NOC3L: variants seen among roughly 807,000 people sequenced by gnomAD.
The protein encoded by NOC3L is nucleolar complex protein 3 homolog.
A neutral mutation model predicts 102.5 loss-of-function variants in NOC3L; 85 were observed. The ratio of observed to expected loss-of-function variants is 0.83; its 90% CI spans 0.70 to 0.99. The LOEUF (loss-of-function observed/expected upper bound fraction) is 0.99, where lower values mean the gene tolerates loss of function less well. Among genes scored for constraint, NOC3L ranks in the 50% least tolerant of loss-of-function variants. The pLI, the probability that NOC3L is intolerant of heterozygous loss-of-function variation, is 0.00. For missense variants in NOC3L, 878 were observed against 914.9 expected, an observed-to-expected ratio of 0.96 and a Z score of 0.52; for synonymous variants, 303 against 309.4, an observed-to-expected ratio of 0.98 and a Z score of 0.22.
At chr10:94,347,096 A>C (rs969678587) in intron 10 of NOC3L, among the ~76,000 whole-genome samples, 3 of 152,214 alleles carry the variant, frequency 2.0e-5, no homozygotes, top group African/African-American at 7.2e-5. Flanking sequence ...TCGCATACTC[A>C]AACACTAAGA....
At chr10:94,350,047 C>A (rs533329845) in intron 9 of NOC3L, 66 bp downstream of exon 9, 2 of 1,500,834 alleles carry the variant, frequency 1.3e-6, no homozygotes, top group South Asian at 1.2e-5. Context: ...TGTGAGCCAC[C>A]GTGCCTGGCC....
chr10:94,328,548 TAAGAG>T (rs2054113719), downstream of NOC3L: 1 of 152,274 alleles, frequency 6.6e-6, no homozygotes, highest in African/African-American at 2.4e-5. Context: ...CCAACACAAC[TAAGAG>T]AAGAGAACTG....
In NOC3L at chr10:94,350,132, A is replaced by T; in HGVS notation, c.1109T>A (p.Met370Lys). 1 of 1,614,086 alleles carries T rather than the reference A, an allele frequency of 6.2e-7. No individual in the cohort carries two copies. Among genetic ancestry groups the T allele is most frequent in the Non-Finnish European group, 8.5e-7 (1 of 1,180,006 alleles). Residue 370 changes from methionine to lysine, a missense_variant, in exon 9 of 21, where the codon ATG (methionine) becomes AAG (lysine). Coordinates refer to ENST00000371361, the MANE Select transcript of NOC3L (RefSeq NM_022451.11). ...NNIIVLIVPL[M>K]NDMSKLISEM... ...ACTCACCAATTTTGACATGTCATTCATGAGAGGGACAATCAATACGATGAT... is the reference window on the plus strand; with the variant it reads ...ACTCACCAATTTTGACATGTCATTCTTGAGAGGGACAATCAATACGATGAT...
chr10:94,326,848 T>G, the NOC3L span, among the ~76,000 whole-genome samples: 4 of 152,202 alleles, frequency 2.6e-5, no homozygotes, highest in Non-Finnish European at 5.9e-5. Flanking sequence ...TTCTGTTAAC[T>G]TCACAGCTTT....
At chr10:94,317,576 C>CAA in the NOC3L span, among the ~76,000 whole-genome samples, 56 of 152,178 alleles carry the variant, frequency 3.7e-4, no homozygotes, top group Admixed American at 3.5e-3. Context: ...GAACTTCATA[C>CAA]AAAGTAAGAA....
intron 14 of NOC3L, among the ~76,000 whole-genome samples, 193 bp downstream of exon 14, chr10:94,341,480 C>T (rs2054284820): frequency 1.3e-5 from 2 of 150,884 alleles, no homozygotes. Flanking sequence ...GCTTAAAACT[C>T]TCCAATGGTT....
In NOC3L at chr10:94,333,538, G is replaced by A. The variant is rs552590711; in HGVS notation, c.*639C>T. On this transcript the variant is annotated 3_prime_UTR_variant, in exon 21 of 21. Transcript: ENST00000371361. Reference sequence around the variant, plus strand: ...GTCAGAAAACGTGAAGAACTTTAGAGACTAGAATCATATTCAAACTTTCCT... The same window carrying A: ...GTCAGAAAACGTGAAGAACTTTAGAAACTAGAATCATATTCAAACTTTCCT... 8 of 152,226 alleles carry A rather than the reference G, an allele frequency of 5.3e-5. No individual in the cohort carries two copies. The highest frequency in any genetic ancestry group is 1.9e-4 in the African/African-American group (8 of 41,548). 9.4% of individuals were successfully genotyped at this position (152,226 alleles called of 1,614,324 possible).
chr10:94,355,101 A>T lies in NOC3L; in HGVS notation c.566-8T>A. 1 of 1,603,664 alleles carries T rather than the reference A, an allele frequency of 6.2e-7. No homozygotes were observed. The highest frequency in any genetic ancestry group is 8.5e-7 in the Non-Finnish European group (1 of 1,174,498). On this transcript the variant is annotated splice_polypyrimidine_tract_variant and splice_region_variant and intron_variant, in intron 5 of 20. Coordinates refer to ENST00000371361, the MANE Select transcript of NOC3L (RefSeq NM_022451.11). ...TAGGATCTTCAATGATCTCTAAAAC[A>T]GATTAGATGTTCCCTTACATATTCC...
chr10:94,336,618 G>T (rs187758795), intron 19 of NOC3L, among the ~76,000 whole-genome samples: 424 of 151,926 alleles, frequency 2.8e-3, no homozygotes, highest in African/African-American at 9.3e-3. Flanking sequence ...AAAGTGCTGG[G>T]ATTACAGGCG....
intron 13 of NOC3L, among the ~76,000 whole-genome samples, chr10:94,342,645 A>G (rs17517669): frequency 0.13 from 20,397 of 151,342 alleles, 1,530 homozygotes; most frequent in Middle Eastern, 0.27. Flanking sequence ...ATATATCTAT[A>G]AAATGGAGCA....
intron 14 of NOC3L, among the ~76,000 whole-genome samples, chr10:94,340,874 G>A (rs969157271): frequency 3.3e-5 from 5 of 151,656 alleles, no homozygotes; most frequent in Admixed American, 2.6e-4. Flanking sequence ...CCAGCTACTC[G>A]GGAGGCTGAG....
chr10:94,344,783 G>T, intron 12 of NOC3L, 70 bp downstream of exon 12: 1 of 1,287,488 alleles, frequency 7.8e-7, no homozygotes, highest in South Asian at 1.4e-5. Flanking sequence ...GCTACAAGCT[G>T]AAACAATAAA....
chr10:94,327,495 A>AACTT, the NOC3L span, among the ~76,000 whole-genome samples: 1 of 152,226 alleles, frequency 6.6e-6, no homozygotes, highest in Non-Finnish European at 1.5e-5. Flanking sequence ...GAATTGCTTG[A>AACTT]ACTTTGGAGG....
At chr10:94,325,550 A>G in the NOC3L span, 1 of 157,366 alleles carries the variant, frequency 6.4e-6, no homozygotes, top group Non-Finnish European at 1.4e-5. Context: ...AGCTGAGATC[A>G]CACCATTGCA....
the NOC3L span, chr10:94,316,587 A>T: frequency 3.7e-6 from 6 of 1,609,490 alleles, no homozygotes; most frequent in African/African-American, 8.0e-5. Context: ...GTTACCACAG[A>T]CTATTTTTTG....
intron 6 of NOC3L, among the ~76,000 whole-genome samples, chr10:94,354,599 T>C: frequency 6.6e-6 from 1 of 152,218 alleles, no homozygotes; most frequent in East Asian, 1.9e-4. Flanking sequence ...ACTTCCCCTG[T>C]AGCGCGCTTT....
At chr10:94,360,535 G>A (rs1469701690) in intron 2 of NOC3L, among the ~76,000 whole-genome samples, 1 of 152,070 alleles carries the variant, frequency 6.6e-6, no homozygotes, top group Non-Finnish European at 1.5e-5. Context: ...CATGAAGAGA[G>A]TAGAATGATG....
At chr10:94,345,970 A>C (rs1199530009) in intron 11 of NOC3L, among the ~76,000 whole-genome samples, 1 of 152,170 alleles carries the variant, frequency 6.6e-6, no homozygotes, top group Non-Finnish European at 1.5e-5. Context: ...CGTTTATCAA[A>C]AAATAAATAA....
chr10:94,333,129 C>T (rs1222832201), downstream of NOC3L: 1 of 152,100 alleles, frequency 6.6e-6, no homozygotes, highest in East Asian at 1.9e-4. Context: ...CTCTAAGCTC[C>T]AGAGTAAAAT....
Sources: gnomAD v4.1 joint callset for allele counts (sites outside exome capture counted in the v4.1 genomes callset) on GRCh38, gnomAD v4.1.1 for gene constraint, MANE v1.5 for transcripts, NCBI Gene and HGNC (gene_info 2026-07-23, HGNC 2026-07-21) for gene names.